Variants in TAFA2 observed in about 807,000 individuals in gnomAD.
The protein encoded by TAFA2 is TAFA chemokine like family member 2.
Under a neutral mutation model 18.8 loss-of-function variants are expected in TAFA2, and 7 were observed. The ratio of observed to expected loss-of-function variants is 0.37; its 90% CI spans 0.21 to 0.70. TAFA2 has a LOEUF of 0.70. Ranked by LOEUF, TAFA2 falls within the 30% of genes least tolerant of loss-of-function variation. TAFA2 has a pLI of 0.53. For synonymous variants in TAFA2, 60 were observed against 54.2 expected (o/e 1.11, Z -0.47); for missense variants, 122 against 158.1 (o/e 0.77, Z 1.23).
chr12:62,173,334 C>T (rs2062491595), intron 1 of TAFA2, among the ~76,000 whole-genome samples: 1 of 152,112 alleles, frequency 6.6e-6, no homozygotes, highest in Admixed American at 6.5e-5. Flanking sequence ...ATCACTTGAA[C>T]CCAGGAGGCG....
Position 61,762,098 on chromosome 12 carries a change from G to A in TAFA2, c.107-7074C>T, listed in dbSNP as rs145877501. ...TCCCCAGAAGCCTAGCAGGTAGCCA[G>A]CATCATGCTTGCTGTACATCCTGTA... On this transcript the variant is annotated intron_variant, in intron 2 of 4. Transcript: ENST00000416284. Among the ~76,000 whole-genome samples, 32 of 152,198 alleles carry A rather than the reference G, an allele frequency of 2.1e-4. No homozygotes were observed. In the East Asian group the frequency reaches 5.8e-3, roughly 28 times the overall value.
chr12:62,126,627 G>C (rs756355577), intron 1 of TAFA2, among the ~76,000 whole-genome samples: 1 of 151,990 alleles, frequency 6.6e-6, no homozygotes, highest in Non-Finnish European at 1.5e-5. Context: ...GGGGAAAGTT[G>C]ATATTCCATG....
At chr12:62,071,230 G>A (rs1255998948) in intron 1 of TAFA2, among the ~76,000 whole-genome samples, 1 of 152,178 alleles carries the variant, frequency 6.6e-6, no homozygotes, top group Non-Finnish European at 1.5e-5. Context: ...CTCTAGAAAG[G>A]TGGCATTTAG....
At chr12:62,023,138 A>G (rs1326187177) in intron 1 of TAFA2, among the ~76,000 whole-genome samples, 1 of 152,206 alleles carries the variant, frequency 6.6e-6, no homozygotes, top group Non-Finnish European at 1.5e-5. Flanking sequence ...GGGTTCATAG[A>G]GAGCCAAGGA....
chr12:62,008,189 G>T (rs1051066384), intron 1 of TAFA2, among the ~76,000 whole-genome samples: 2 of 152,092 alleles, frequency 1.3e-5, no homozygotes, highest in African/African-American at 4.8e-5. Context: ...CATGAAAAAA[G>T]TTTGATTGGA....
At chr12:62,210,903 A>G (rs892593433) in intron 1 of TAFA2, among the ~76,000 whole-genome samples, 1 of 152,160 alleles carries the variant, frequency 6.6e-6, no homozygotes, top group African/African-American at 2.4e-5. Context: ...AGACAGGGTA[A>G]TGACACACAC....
intron 1 of TAFA2, among the ~76,000 whole-genome samples, chr12:62,161,376 A>G (rs1388987259): frequency 6.6e-6 from 1 of 152,236 alleles, no homozygotes; most frequent in African/African-American, 2.4e-5. Context: ...TCAGCCATAA[A>G]AAGAACAAAG....
chr12:61,936,314 C>T (rs756768225), intron 1 of TAFA2, among the ~76,000 whole-genome samples: 2 of 152,100 alleles, frequency 1.3e-5, no homozygotes, highest in Non-Finnish European at 2.9e-5. Context: ...TGCCTGTAAT[C>T]CCAGCACTTT....
At chr12:61,887,500 C>T (rs113216105) in intron 1 of TAFA2, among the ~76,000 whole-genome samples, 4,796 of 151,016 alleles carry the variant, frequency 0.032, 241 homozygotes, top group African/African-American at 0.11. Flanking sequence ...TAGTTACATA[C>T]GTATACATGT....
intron 1 of TAFA2, among the ~76,000 whole-genome samples, chr12:61,922,014 A>G (rs1262232276): frequency 6.6e-6 from 1 of 152,220 alleles, no homozygotes; most frequent in Non-Finnish European, 1.5e-5. Context: ...CTAAGAACTG[A>G]ATGTTCGATT....
At chr12:62,083,594 AAC>A (rs1404260804) in intron 1 of TAFA2, among the ~76,000 whole-genome samples, 1 of 152,342 alleles carries the variant, frequency 6.6e-6, no homozygotes, top group East Asian at 1.9e-4. Context: ...TGCAAACCCA[AAC>A]CACATTTGAC....
rs191805133 is a variant in TAFA2 at position 61,902,127 on chromosome 12, G to A, written c.-1-34701C>T. ...AAAAAAAAAAAACCTGTATCTTTCTGGTATGGTACTATAGGAATCCAGCCT... is the reference window on the plus strand; with the variant it reads ...AAAAAAAAAAAACCTGTATCTTTCTAGTATGGTACTATAGGAATCCAGCCT... On this transcript the variant is annotated intron_variant, in intron 1 of 4. Coordinates refer to ENST00000416284, the MANE Select transcript of TAFA2 (RefSeq NM_178539.5). Among the ~76,000 whole-genome samples, 94 of 146,612 alleles carry A rather than the reference G, an allele frequency of 6.4e-4. 1 individual carries two copies. The highest frequency in any genetic ancestry group is 2.4e-3 in the African/African-American group (92 of 38,042).
chr12:61,881,964 C>A (rs1267827897), intron 1 of TAFA2, among the ~76,000 whole-genome samples: 1 of 151,544 alleles, frequency 6.6e-6, no homozygotes, highest in African/African-American at 2.4e-5. Context: ...AAAAAAAAAT[C>A]TTGGTTATCT....
chr12:62,125,626 G>A (rs993825373), intron 1 of TAFA2, among the ~76,000 whole-genome samples: 1 of 152,112 alleles, frequency 6.6e-6, no homozygotes, highest in Non-Finnish European at 1.5e-5. Flanking sequence ...AGTTTGGTAT[G>A]AGAGACAGAG....
chr12:62,189,567 A>G (rs760579426), intron 1 of TAFA2, among the ~76,000 whole-genome samples: 51 of 152,234 alleles, frequency 3.4e-4, no homozygotes, highest in Non-Finnish European at 5.9e-4. Flanking sequence ...GCAAATGATT[A>G]ATCAGTCTGA....
At chr12:61,747,739 T>C (rs1269830990) in intron 4 of TAFA2, among the ~76,000 whole-genome samples, 2 of 142,762 alleles carry the variant, frequency 1.4e-5, no homozygotes. Flanking sequence ...CGGGGAGGGA[T>C]AGCACTGGGA....
rs117134437 is a variant in TAFA2 at position 61,874,560 on chromosome 12, A to C, written c.-1-7134T>G. ...TACTGCAATTCTGGTGGGCACAAAA[A>C]TTCAGGAGCACTATTGCTTTATGCC... On this transcript the variant is annotated intron_variant, in intron 1 of 4. Coordinates refer to ENST00000416284, the MANE Select transcript of TAFA2 (RefSeq NM_178539.5). Among the ~76,000 whole-genome samples the C allele has an allele frequency of 3.2e-3, 493 of 152,286 alleles. 1 individual carries two copies. The highest frequency in any genetic ancestry group is 4.8e-3 in the Non-Finnish European group (328 of 67,988).
chr12:62,088,883 T>C (rs1325896910), intron 1 of TAFA2, among the ~76,000 whole-genome samples: 1 of 61,018 alleles, frequency 1.6e-5, no homozygotes, highest in Non-Finnish European at 3.9e-5. Flanking sequence ...TTTTTCTTTC[T>C]CTCTCTCTCT....
rs1873586558 is a variant in TAFA2, at chr12:61,850,241, T to TG, written c.106+17078_106+17079insC. Among the ~76,000 whole-genome samples, 3 of 152,138 alleles carry TG rather than the reference T, an allele frequency of 2.0e-5. No homozygotes were observed. The South Asian group carries it at 6.2e-4, about 32-fold the overall frequency. On this transcript the variant is annotated intron_variant, in intron 2 of 4. Transcript: ENST00000416284. ...CAGAGGGCAAAATTGAAAAAAAAGA[T>TG]TGACAAGCACTTCTCTAAGTAAGTA...
Sources: allele counts gnomAD v4.1 joint callset (sites outside exome capture counted in the v4.1 genomes callset), GRCh38; gene constraint gnomAD v4.1.1; transcripts MANE v1.5; gene names NCBI Gene and HGNC (gene_info 2026-07-23, HGNC 2026-07-21).